Variants in PGAP2 observed in about 807,000 individuals in gnomAD.
PGAP2 encodes the protein post-GPI attachment to proteins 2, also known as acyltransferase PGAP2.
Under a neutral mutation model 33.2 loss-of-function variants are expected in PGAP2, and 21 were observed. The observed-to-expected ratio is 0.63, with a 90% confidence interval of 0.45 to 0.91. The LOEUF (loss-of-function observed/expected upper bound fraction) is 0.91, where lower values mean the gene tolerates loss of function less well. PGAP2 is among the 40% of genes least tolerant of loss of function. The pLI, the probability that PGAP2 is intolerant of heterozygous loss-of-function variation, is 0.00. For synonymous variants in PGAP2, 161 were observed against 172.9 expected (o/e 0.93, Z 0.54); for missense variants, 345 against 424.0 (o/e 0.81, Z 1.64).
intron 2 of PGAP2, among the ~76,000 whole-genome samples, chr11:3,814,479 A>G (rs1378087779): frequency 6.6e-6 from 1 of 151,102 alleles, no homozygotes; most frequent in Non-Finnish European, 1.5e-5. Context: ...CTCGTCTCGA[A>G]CTCCTGACCT....
intron 2 of PGAP2, 127 bp from the exon 3 acceptor site, chr11:3,817,226 A>T: frequency 1.4e-6 from 1 of 722,564 alleles, no homozygotes; most frequent in South Asian, 1.7e-5. Flanking sequence ...TTTTCCCCTT[A>T]TGCCTTTTCT....
intron 1 of PGAP2, among the ~76,000 whole-genome samples, chr11:3,810,770 A>G (rs1216193589): frequency 6.6e-6 from 1 of 152,190 alleles, no homozygotes; most frequent in African/African-American, 2.4e-5. Context: ...CTGAAGGTGC[A>G]GGAGGGCCCT....
chr11:3,801,827 C>A (rs1161778910), intron 1 of PGAP2, among the ~76,000 whole-genome samples: 1 of 151,850 alleles, frequency 6.6e-6, no homozygotes, highest in African/African-American at 2.4e-5. Context: ...CGCCTGTAAT[C>A]CCAGCTAGTC....
chr11:3,818,691 C>T (rs2087746737), intron 3 of PGAP2, among the ~76,000 whole-genome samples: 1 of 152,136 alleles, frequency 6.6e-6, no homozygotes, highest in Non-Finnish European at 1.5e-5. Context: ...TTCCTGGGGG[C>T]CCAGGGATAA....
intron 6 of PGAP2, 45 bp downstream of exon 6, chr11:3,825,173 G>A (rs946615184): frequency 5.0e-6 from 8 of 1,594,664 alleles, no homozygotes; most frequent in Non-Finnish European, 6.9e-6. Context: ...GTGGCTGCGG[G>A]GCAGCAATGA....
chr11:3,813,618 CAA>C, intron 2 of PGAP2, among the ~76,000 whole-genome samples: 1 of 152,256 alleles, frequency 6.6e-6, no homozygotes, highest in Admixed American at 6.5e-5. Flanking sequence ...CTCCTGACCT[CAA>C]GTGATCCTCC....
At chr11:3,808,342 C>T, upstream of PGAP2, 1 of 1,551,222 alleles carries the variant, frequency 6.4e-7, no homozygotes, top group Non-Finnish European at 8.7e-7. Context: ...GCTTATCCAA[C>T]ATGCTCAAAC....
chr11:3,806,764 G>A (rs2084414902), upstream of PGAP2, among the ~76,000 whole-genome samples: 1 of 152,144 alleles, frequency 6.6e-6, no homozygotes, highest in African/African-American at 2.4e-5. Context: ...GCTCATGCCT[G>A]TAATCCCAGC....
upstream of PGAP2, chr11:3,807,925 G>GT (rs1269477211): frequency 1.9e-6 from 1 of 536,280 alleles, no homozygotes; most frequent in African/African-American, 2.0e-5. Flanking sequence ...CTGGCAGCTG[G>GT]TTTTGGGGGA....
chr11:3,819,421 A>G (rs1450670104), intron 3 of PGAP2, among the ~76,000 whole-genome samples: 1 of 151,964 alleles, frequency 6.6e-6, no homozygotes, highest in African/African-American at 2.4e-5. Flanking sequence ...GAGAGGAGGG[A>G]TGGAGTCTAG....
At chr11:3,799,894 G>A (rs915713455) in intron 1 of PGAP2, among the ~76,000 whole-genome samples, 18 of 152,130 alleles carry the variant, frequency 1.2e-4, no homozygotes, top group African/African-American at 4.1e-4. Flanking sequence ...TTGAGCCCAA[G>A]AGGTTAAAGC....
At chr11:3,803,830 G>A (rs1014365541), upstream of PGAP2, among the ~76,000 whole-genome samples, 65 of 144,414 alleles carry the variant, frequency 4.5e-4, no homozygotes, top group African/African-American at 1.4e-3. Context: ...TCATTGTGTC[G>A]CCCAGGCTGG....
chr11:3,818,624 T>A (rs886705106), intron 3 of PGAP2, among the ~76,000 whole-genome samples: 1 of 152,202 alleles, frequency 6.6e-6, no homozygotes. Context: ...CACTCAGGGA[T>A]CTGCCAGCCA....
upstream of PGAP2, among the ~76,000 whole-genome samples, chr11:3,807,683 T>C (rs898160108): frequency 6.6e-5 from 10 of 152,032 alleles, no homozygotes; most frequent in African/African-American, 2.4e-4. Context: ...GTGTTCAGAA[T>C]GTGTTATTGC....
At chr11:3,818,321 C>T (rs1306123143) in intron 3 of PGAP2, among the ~76,000 whole-genome samples, 1 of 85,484 alleles carries the variant, frequency 1.2e-5, no homozygotes, top group African/African-American at 3.8e-5. Flanking sequence ...GAGCCAAGAT[C>T]GTGCCAAAAA....
intron 3 of PGAP2, chr11:3,823,019 CTTTTCTTT>C: frequency 5.2e-6 from 2 of 385,004 alleles, no homozygotes; most frequent in South Asian, 5.3e-5. Flanking sequence ...TTTCTTTTTT[CTTTTCTTT>C]TTTTTTTTTT....
At position 3,811,188 on chromosome 11, in the gene PGAP2, C is replaced by G; in HGVS notation, c.-10-62C>G. The G allele has an allele frequency of 1.3e-6, 2 of 1,511,920 alleles. No homozygotes were observed. Among genetic ancestry groups the G allele is most frequent in the Non-Finnish European group, 1.8e-6 (2 of 1,107,290 alleles). The allele number at this position is 1,511,920 out of a possible 1,614,324, so 93.7% of individuals were successfully genotyped here. On this transcript the variant is annotated intron_variant, in intron 1 of 6. Coordinates refer to ENST00000278243, the MANE Select transcript of PGAP2 (RefSeq NM_014489.4). This position sits in a 1 kb window ranked among gnomAD's most constrained non-coding sequence, Gnocchi z 4.6. Reference sequence around the variant, plus strand: ...TTTTAGGACTGAGCACAAGGGCTGACTTTATCACTGAGTGCCAGCCTGGCT... The same window carrying G: ...TTTTAGGACTGAGCACAAGGGCTGAGTTTATCACTGAGTGCCAGCCTGGCT...
At chr11:3,805,836 G>A (rs1481239844), upstream of PGAP2, among the ~76,000 whole-genome samples, 24 of 151,840 alleles carry the variant, frequency 1.6e-4, no homozygotes, top group African/African-American at 3.1e-4. Flanking sequence ...ACAGGTGCGC[G>A]CCATCACGCC....
chr11:3,817,634 G>A (rs1282889472), intron 3 of PGAP2, 99 bp downstream of exon 3: 3 of 1,001,332 alleles, frequency 3.0e-6, no homozygotes, highest in Non-Finnish European at 4.7e-6. Flanking sequence ...ATCAGAGAGA[G>A]GGAAAGGGAC....
Sources: gnomAD v4.1 joint callset for allele counts (sites outside exome capture counted in the v4.1 genomes callset) on GRCh38, gnomAD v4.1.1 for gene constraint, Gnocchi (gnomAD v3.1) non-coding constraint, MANE v1.5 for transcripts, NCBI Gene and HGNC (gene_info 2026-07-23, HGNC 2026-07-21) for gene names.